The following PARD3 variants were observed in gnomAD, a reference collection of about 807,000 sequenced individuals.
PARD3 encodes par-3 family cell polarity regulator.
PARD3 carries 75 observed loss-of-function variants against 155.4 expected under a neutral mutation model. The observed-to-expected ratio is 0.48, with a 90% confidence interval of 0.40 to 0.58. The LOEUF is 0.58. Among genes scored for constraint, PARD3 ranks in the 20% least tolerant of loss-of-function variants. The probability of loss-of-function intolerance (pLI) is 0.00; values close to 1 mark genes in which losing one functional copy is unlikely to be tolerated. For missense variants in PARD3, 1,642 were observed against 1,721.7 expected, an observed-to-expected ratio of 0.95 and a Z score of 0.82; for synonymous variants, 576 against 610.5, an observed-to-expected ratio of 0.94 and a Z score of 0.83.
At chr10:34,711,347 C>A (rs1399156184) in intron 1 of PARD3, among the ~76,000 whole-genome samples, 3 of 152,094 alleles carry the variant, frequency 2.0e-5, no homozygotes, top group African/African-American at 7.2e-5. Context: ...TGGTGAAACC[C>A]CACCTCTACT....
intron 3 of PARD3, among the ~76,000 whole-genome samples, chr10:34,482,638 TG>T (rs1166028989): frequency 6.6e-6 from 1 of 152,174 alleles, no homozygotes; most frequent in Non-Finnish European, 1.5e-5. Context: ...TTTACATACC[TG>T]GTACCAGAGA....
intron 4 of PARD3, among the ~76,000 whole-genome samples, chr10:34,467,792 A>G (rs2078105562): frequency 6.6e-6 from 1 of 152,202 alleles, no homozygotes; most frequent in Non-Finnish European, 1.5e-5. Flanking sequence ...AAACTGCGTC[A>G]GCTAGGTGGA....
chr10:34,723,813 G>A (rs1191857840), intron 1 of PARD3, among the ~76,000 whole-genome samples: 1 of 152,186 alleles, frequency 6.6e-6, no homozygotes, highest in Non-Finnish European at 1.5e-5. Context: ...ACACCGCAGG[G>A]ATGCAGGACC....
intron 1 of PARD3, among the ~76,000 whole-genome samples, chr10:34,798,696 C>T (rs1588808162): frequency 3.6e-5 from 4 of 112,026 alleles, no homozygotes; most frequent in African/African-American, 1.6e-4. Context: ...CAGAGTGAGA[C>T]TCTGTCTCCA....
At chr10:34,699,722 T>C (rs1317746032) in intron 1 of PARD3, among the ~76,000 whole-genome samples, 6 of 152,096 alleles carry the variant, frequency 3.9e-5, no homozygotes, top group East Asian at 1.9e-4. Context: ...CCCAGAACTT[T>C]AGAAGGCCAA....
chr10:34,271,292 CA>C lies in PARD3; in HGVS notation c.3177-1394del, dbSNP rs968955892. 4.6e-5 allele frequency among the ~76,000 whole-genome samples: 7 copies of C among 151,796 alleles called. No individual in the cohort carries two copies. The South Asian group carries it at 8.3e-4, about 18-fold the overall frequency. On this transcript the variant is annotated intron_variant, in intron 21 of 24. Coordinates refer to ENST00000374788, the MANE Select transcript of PARD3 (RefSeq NM_001184785.2). ...CCAATATTCCTCATGAATATGAAAG[CA>C]AAAAACCCTTAATGAAATATTAGTA...
At chr10:34,211,933 C>T (rs1286980030) in intron 22 of PARD3, among the ~76,000 whole-genome samples, 2 of 152,134 alleles carry the variant, frequency 1.3e-5, no homozygotes, top group African/African-American at 4.8e-5. Flanking sequence ...TTTGGGGACA[C>T]TACACTTCCT....
intron 22 of PARD3, among the ~76,000 whole-genome samples, chr10:34,182,742 TAAAAAAA>T (rs11406207): frequency 2.2e-5 from 3 of 133,382 alleles, no homozygotes; most frequent in African/African-American, 8.5e-5. Context: ...CTACATTTCT[TAAAAAAA>T]AAAAAAAAAA....
At chr10:34,226,175 A>G (rs902570175) in intron 22 of PARD3, among the ~76,000 whole-genome samples, 15 of 152,238 alleles carry the variant, frequency 9.9e-5, no homozygotes, top group African/African-American at 3.4e-4. Context: ...TCAAACAAAA[A>G]GATGTTCAAC....
chr10:34,370,214 G>A (rs958511012), intron 12 of PARD3, among the ~76,000 whole-genome samples: 1 of 152,072 alleles, frequency 6.6e-6, no homozygotes, highest in Non-Finnish European at 1.5e-5. Context: ...AAGTCCAAGC[G>A]TAACTAGAAG....
chr10:34,263,384 C>T (rs998350370), intron 22 of PARD3, among the ~76,000 whole-genome samples: 1 of 151,916 alleles, frequency 6.6e-6, no homozygotes, highest in East Asian at 1.9e-4. Context: ...AAGAAGAGCA[C>T]GGTGGCTCAC....
At chr10:34,732,261 C>G (rs1202149464) in intron 1 of PARD3, among the ~76,000 whole-genome samples, 2 of 152,168 alleles carry the variant, frequency 1.3e-5, no homozygotes, top group African/African-American at 4.8e-5. Flanking sequence ...CAATGCAGGT[C>G]TTCTCAAGTA....
intron 2 of PARD3, among the ~76,000 whole-genome samples, chr10:34,660,770 T>C (rs916842322): frequency 1.3e-5 from 2 of 152,154 alleles, no homozygotes; most frequent in Non-Finnish European, 2.9e-5. Context: ...CCAAATAGGA[T>C]AGCAATTCCT....
At chr10:34,769,252 C>T (rs1838525475) in intron 1 of PARD3, among the ~76,000 whole-genome samples, 1 of 152,108 alleles carries the variant, frequency 6.6e-6, no homozygotes, top group Admixed American at 6.5e-5. Context: ...ACGGCGACCA[C>T]CAGGGCTAGG....
At chr10:34,518,320 A>G (rs1359347037) in intron 2 of PARD3, among the ~76,000 whole-genome samples, 1 of 152,244 alleles carries the variant, frequency 6.6e-6, no homozygotes, top group Non-Finnish European at 1.5e-5. Context: ...TGGCATCCCC[A>G]GTGCCACTGA....
At chr10:34,328,042 G>A (rs1402423379) in intron 19 of PARD3, among the ~76,000 whole-genome samples, 1 of 152,194 alleles carries the variant, frequency 6.6e-6, no homozygotes, top group Non-Finnish European at 1.5e-5. Context: ...AGCCGAAGGA[G>A]GGCTAACTGA....
At chr10:34,621,699 A>T (rs1016499874) in intron 2 of PARD3, among the ~76,000 whole-genome samples, 1 of 152,240 alleles carries the variant, frequency 6.6e-6, no homozygotes, top group Non-Finnish European at 1.5e-5. Context: ...GAGCATGGAT[A>T]TTGTTATTGT....
At chr10:34,218,626 T>G (rs1170964889) in intron 22 of PARD3, among the ~76,000 whole-genome samples, 1 of 152,194 alleles carries the variant, frequency 6.6e-6, no homozygotes, top group African/African-American at 2.4e-5. Flanking sequence ...AAATTTTTTT[T>G]TGAAGTTTTC....
chr10:34,418,163 T>A lies in PARD3; in HGVS notation c.715-16246A>T, dbSNP rs953583905. On this transcript the variant is annotated intron_variant, in intron 5 of 24. Transcript: ENST00000374788. ...TAAAGTGCCATGGATGATTATATTATATATTTTTTATTTTTAGATATTTAC... is the reference window on the plus strand; with the variant it reads ...TAAAGTGCCATGGATGATTATATTAAATATTTTTTATTTTTAGATATTTAC... 2.0e-5 allele frequency among the ~76,000 whole-genome samples: 3 copies of A among 152,214 alleles called. No homozygotes were observed. The South Asian group carries it at 6.2e-4, about 32-fold the overall frequency.
Sources: gnomAD v4.1 joint callset for allele counts (sites outside exome capture counted in the v4.1 genomes callset) on GRCh38, gnomAD v4.1.1 for gene constraint, MANE v1.5 for transcripts, NCBI Gene and HGNC (gene_info 2026-07-23, HGNC 2026-07-21) for gene names.